Variants in TCF12 observed in about 807,000 individuals in gnomAD.
TCF12 encodes transcription factor 12.
Under a neutral mutation model 86.0 loss-of-function variants are expected in TCF12, and 45 were observed. The observed-to-expected ratio is 0.52, with a 90% CI of 0.41 to 0.67. The LOEUF (loss-of-function observed/expected upper bound fraction) is 0.67. Ranked by LOEUF, TCF12 falls within the 30% of genes least tolerant of loss-of-function variation. The probability of loss-of-function intolerance (pLI) is 0.00; values close to 1 mark genes in which losing one functional copy is unlikely to be tolerated. For synonymous variants in TCF12, 330 were observed against 299.6 expected (o/e 1.10, Z -1.05); for missense variants, 881 against 859.9 (o/e 1.02, Z -0.31).
chr15:56,989,396 A>C (rs1272548176), intron 3 of TCF12, among the ~76,000 whole-genome samples: 2 of 152,202 alleles, frequency 1.3e-5, no homozygotes, highest in African/African-American at 4.8e-5. Context: ...TCTCCTACAG[A>C]TTCTGTCTGC....
intron 4 of TCF12, among the ~76,000 whole-genome samples, chr15:57,090,775 G>A (rs1217863156): frequency 6.6e-6 from 1 of 152,070 alleles, no homozygotes; most frequent in African/African-American, 2.4e-5. Flanking sequence ...CTTCGTATAC[G>A]TTTTTCCGGT....
intron 6 of TCF12, among the ~76,000 whole-genome samples, chr15:57,175,952 T>TC (rs143160043): frequency 0.069 from 10,549 of 152,222 alleles, 1,094 homozygotes; most frequent in African/African-American, 0.23. Context: ...TAAATGCCTT[T>TC]CTCCCACTGG....
intron 3 of TCF12, 75 bp from the exon 4 acceptor site, chr15:57,063,675 A>T: frequency 8.2e-7 from 1 of 1,217,790 alleles, no homozygotes; most frequent in South Asian, 1.6e-5. Flanking sequence ...GCTAAATTGT[A>T]CTCTGCTGTC....
intron 19 of TCF12, among the ~76,000 whole-genome samples, chr15:57,277,382 G>C (rs2061446947): frequency 6.6e-6 from 1 of 151,932 alleles, no homozygotes; most frequent in Non-Finnish European, 1.5e-5. Flanking sequence ...TGTAATCCCA[G>C]CACTTTGGGA....
chr15:57,015,070 C>T (rs1404184370), intron 3 of TCF12, among the ~76,000 whole-genome samples: 7 of 152,002 alleles, frequency 4.6e-5, no homozygotes, highest in African/African-American at 1.7e-4. Flanking sequence ...AGGCAGATTG[C>T]TTGGGCTCAG....
At chr15:57,202,146 A>C (rs1271789929) in intron 8 of TCF12, among the ~76,000 whole-genome samples, 1 of 152,142 alleles carries the variant, frequency 6.6e-6, no homozygotes, top group African/African-American at 2.4e-5. Context: ...TTAAGACTCA[A>C]AGACATAAAT....
chr15:57,278,885 A>G (rs1296845827), intron 19 of TCF12, among the ~76,000 whole-genome samples: 1 of 93,156 alleles, frequency 1.1e-5, no homozygotes, highest in Non-Finnish European at 2.3e-5. Flanking sequence ...TTTTTGTCTT[A>G]TTCTTTATTT....
At chr15:56,928,480 G>A (rs1386181822) in intron 3 of TCF12, among the ~76,000 whole-genome samples, 1 of 152,062 alleles carries the variant, frequency 6.6e-6, no homozygotes, top group Non-Finnish European at 1.5e-5. Flanking sequence ...TTTGTCTGTG[G>A]TGTTGGAAGT....
intron 8 of TCF12, among the ~76,000 whole-genome samples, chr15:57,215,697 A>G (rs1232420837): frequency 3.3e-5 from 5 of 152,200 alleles, no homozygotes; most frequent in African/African-American, 4.8e-5. Context: ...TTCAAGATAC[A>G]TAATTCACTT....
intron 8 of TCF12, among the ~76,000 whole-genome samples, chr15:57,209,957 T>G (rs777545681): frequency 1.3e-5 from 2 of 152,110 alleles, no homozygotes; most frequent in Non-Finnish European, 2.9e-5. Flanking sequence ...AAATGGCTAG[T>G]TTTCTCTTTG....
intron 8 of TCF12, among the ~76,000 whole-genome samples, chr15:57,200,062 GTAGAGAC>G (rs2057462508): frequency 1.6e-5 from 1 of 60,730 alleles, no homozygotes; most frequent in Non-Finnish European, 3.5e-5. Flanking sequence ...TTTTTTTTTT[GTAGAGAC>G]GAGGAGGTCT....
intron 3 of TCF12, among the ~76,000 whole-genome samples, chr15:56,990,907 A>C (rs1453073786): frequency 6.6e-6 from 1 of 151,310 alleles, no homozygotes; most frequent in African/African-American, 2.4e-5. Context: ...CAATGCTCCT[A>C]CCTCAGCCTC....
rs2061963911 is a variant in TCF12, at chr15:57,287,250, C to T, written c.*1105C>T. The T allele has an allele frequency of 6.5e-6, 1 of 152,950 alleles. No homozygotes were observed. The highest frequency in any genetic ancestry group is 1.5e-5 in the Non-Finnish European group (1 of 68,304). 9.5% of individuals were successfully genotyped at this position (152,950 alleles called of 1,614,324 possible). On this transcript the variant is annotated 3_prime_UTR_variant, in exon 21 of 21. Transcript: ENST00000333725. Reference sequence around the variant, plus strand: ...TGAACATAACAAAACCCAGTAGTCACCAAGGCAGGTAGTGTGATAAATGAA... The same window carrying T: ...TGAACATAACAAAACCCAGTAGTCATCAAGGCAGGTAGTGTGATAAATGAA...
chr15:56,935,131 T>A (rs1484688544), intron 3 of TCF12, among the ~76,000 whole-genome samples: 4 of 152,230 alleles, frequency 2.6e-5, no homozygotes, highest in African/African-American at 9.6e-5. Flanking sequence ...TATTTTTCTC[T>A]GTAGCTAATT....
chr15:57,043,069 G>C (rs1277412357), intron 3 of TCF12, among the ~76,000 whole-genome samples: 2 of 152,106 alleles, frequency 1.3e-5, no homozygotes, highest in Non-Finnish European at 2.9e-5. Flanking sequence ...GTTATCACAA[G>C]TGATAGAATT....
In TCF12 at chr15:57,192,289, G is replaced by A. The variant is rs151174317; in HGVS notation, c.522G>A (p.Ala174=). ...SRRRPLHDSA[A]LDPLQAKKVR... Reference sequence around the variant, plus strand: ...GGAGACCACTCCATGACTCTGCAGCGCTTGGTGAGTGTATCACACAACAAA... The same window carrying A: ...GGAGACCACTCCATGACTCTGCAGCACTTGGTGAGTGTATCACACAACAAA... The change falls in exon 7 of 21, where the codon GCG becomes GCA. Residue 174 remains alanine, a synonymous_variant. Coordinates refer to ENST00000333725, the MANE Select transcript of TCF12 (RefSeq NM_207037.2). 20 of 1,613,664 alleles carry A rather than the reference G, an allele frequency of 1.2e-5. No individual in the cohort carries two copies. The highest frequency in any genetic ancestry group is 4.5e-5 in the East Asian group (2 of 44,878).
At chr15:57,116,677 C>T (rs2050861062) in intron 5 of TCF12, among the ~76,000 whole-genome samples, 1 of 152,040 alleles carries the variant, frequency 6.6e-6, no homozygotes, top group African/African-American at 2.4e-5. Context: ...TTTTCTAAGT[C>T]CAGATTTTCT....
chr15:56,964,710 C>T (rs1013633875), intron 3 of TCF12, among the ~76,000 whole-genome samples: 5 of 151,978 alleles, frequency 3.3e-5, no homozygotes, highest in African/African-American at 1.2e-4. Context: ...AACTTATTGC[C>T]TTAGTAATAA....
intron 13 of TCF12, among the ~76,000 whole-genome samples, chr15:57,249,076 C>CT (rs1210546470): frequency 6.6e-6 from 1 of 152,000 alleles, no homozygotes; most frequent in East Asian, 1.9e-4. Flanking sequence ...AAGATAAATT[C>CT]TTTTTTAATA....
Sources: allele counts gnomAD v4.1 joint callset (sites outside exome capture counted in the v4.1 genomes callset), GRCh38; gene constraint gnomAD v4.1.1; transcripts MANE v1.5; gene names NCBI Gene and HGNC (gene_info 2026-07-23, HGNC 2026-07-21).